The following EXOC5 variants were observed in gnomAD, a reference collection of about 807,000 sequenced individuals.
EXOC5 encodes the protein exocyst complex component 5.
A neutral mutation model predicts 90.8 loss-of-function variants in EXOC5; 17 were observed. That is an observed-to-expected ratio of 0.19 (90% CI 0.13 to 0.28). The LOEUF is 0.28. EXOC5 is among the 10% of genes least tolerant of loss of function. EXOC5 has a pLI of 1.00. For synonymous variants in EXOC5, 260 were observed against 270.0 expected (o/e 0.96, Z 0.36); for missense variants, 569 against 830.6 (o/e 0.69, Z 3.87).
At chr14:57,223,765 A>G (rs943183987) in intron 12 of EXOC5, among the ~76,000 whole-genome samples, 15 of 152,120 alleles carry the variant, frequency 9.9e-5, no homozygotes, top group African/African-American at 3.6e-4. Context: ...CAGGATATAT[A>G]TTTTTTTCAA....
chr14:57,229,724 T>C lies in EXOC5; in HGVS notation c.1296+10A>G. The C allele has an allele frequency of 2.7e-6, 4 of 1,458,474 alleles. No homozygotes were observed. The highest frequency in any genetic ancestry group is 3.7e-6 in the Non-Finnish European group (4 of 1,087,180). 90.3% of individuals were successfully genotyped at this position (1,458,474 alleles called of 1,614,324 possible). A position where few individuals can be genotyped will look rare whatever the true frequency, so the allele number is the denominator to read the frequency against. ...CTGTATATGTAAAATACATTTACAA[T>C]CACTCTTACCCTATGACATCTTTCA... On this transcript the variant is annotated intron_variant, in intron 12 of 17. Transcript: ENST00000621441.
chr14:57,246,154 C>G lies in EXOC5; in HGVS notation c.270+557G>C, dbSNP rs1288980159. ...ACCTAAGAGTGACTAAGAAGTTTGG[C>G]CTGCTGAGCCCCAGGACCAATCTAG... On this transcript the variant is annotated intron_variant, in intron 3 of 17. Transcript: ENST00000621441. 1.3e-5 allele frequency among the ~76,000 whole-genome samples: 2 copies of G among 152,196 alleles called. 1 individual carries two copies. The highest frequency in any genetic ancestry group is 4.2e-4 in the South Asian group (2 of 4,816).
intron 1 of EXOC5, among the ~76,000 whole-genome samples, chr14:57,258,571 C>G (rs1340153812): frequency 6.6e-6 from 1 of 152,046 alleles, no homozygotes; most frequent in African/African-American, 2.4e-5. Flanking sequence ...AGGGGAGGGA[C>G]AGCATTAGGA....
In EXOC5 at chr14:57,203,505, A is replaced by G. The variant is rs1043719476; in HGVS notation, c.*5104T>C. 1 of 152,608 alleles carries G rather than the reference A, an allele frequency of 6.6e-6. No individual in the cohort carries two copies. The highest frequency in any genetic ancestry group is 1.5e-5 in the Non-Finnish European group (1 of 68,026). 9.5% of individuals were successfully genotyped at this position (152,608 alleles called of 1,614,324 possible). A position where few individuals can be genotyped will look rare whatever the true frequency, so the allele number is the denominator to read the frequency against. ...CTGGAAGGGATACGACACTTTCTTC[A>G]TTTAAGATTCCCAGTGGTGAAAACA... On this transcript the variant is annotated 3_prime_UTR_variant, in exon 18 of 18. Transcript: ENST00000621441.
At chr14:57,218,891 T>G (rs1319999914) in intron 14 of EXOC5, among the ~76,000 whole-genome samples, 1 of 152,082 alleles carries the variant, frequency 6.6e-6, no homozygotes, top group African/African-American at 2.4e-5. Context: ...AAACCAAACC[T>G]TACTCTAATG....
chr14:57,224,276 A>G (rs555891739), intron 12 of EXOC5, among the ~76,000 whole-genome samples: 7 of 152,276 alleles, frequency 4.6e-5, no homozygotes, highest in Non-Finnish European at 1.0e-4. Flanking sequence ...GGAAAAATTA[A>G]TGAAACCAAA....
chr14:57,218,891 T>C (rs1319999914), intron 14 of EXOC5, among the ~76,000 whole-genome samples: 1 of 152,082 alleles, frequency 6.6e-6, no homozygotes, highest in East Asian at 1.9e-4. Flanking sequence ...AAACCAAACC[T>C]TACTCTAATG....
At position 57,266,757 on chromosome 14, in the gene EXOC5, C is replaced by T. The variant is rs1392752625; in HGVS notation, c.27+1865G>A. The stretch of plus-strand genomic sequence containing the variant: ...TGTGTATATATATATATATATAAAA[C>T]GTATATATATACTACTTAACCTAAT... On this transcript the variant is annotated intron_variant, in intron 1 of 17. Transcript: ENST00000621441. 2.0e-5 allele frequency among the ~76,000 whole-genome samples: 3 copies of T among 147,102 alleles called. No homozygotes were observed. The East Asian group carries it at 6.0e-4, about 29-fold the overall frequency.
At chr14:57,220,926 A>C (rs574478217) in intron 13 of EXOC5, among the ~76,000 whole-genome samples, 1 of 152,246 alleles carries the variant, frequency 6.6e-6, no homozygotes, top group African/African-American at 2.4e-5. Flanking sequence ...TATCTTCTCC[A>C]TAAGAATATA....
intron 7 of EXOC5, among the ~76,000 whole-genome samples, chr14:57,235,110 A>G (rs925419392): frequency 2.0e-5 from 3 of 152,170 alleles, no homozygotes; most frequent in African/African-American, 4.8e-5. Flanking sequence ...AGATTTTACC[A>G]AAATGAAAAG....
At chr14:57,220,228 A>G (rs1883089468) in intron 13 of EXOC5, among the ~76,000 whole-genome samples, 1 of 151,942 alleles carries the variant, frequency 6.6e-6, no homozygotes, top group Admixed American at 6.6e-5. Context: ...CGCAAGTAAA[A>G]GACAAGATTA....
intron 7 of EXOC5, among the ~76,000 whole-genome samples, chr14:57,235,292 C>T (rs997921063): frequency 1.1e-4 from 16 of 152,038 alleles, no homozygotes; most frequent in Admixed American, 1.0e-3. Flanking sequence ...TTTTGTATTA[C>T]CTCCTGAGGT....
At chr14:57,259,449 A>C (rs1195274671) in intron 1 of EXOC5, among the ~76,000 whole-genome samples, 1 of 152,002 alleles carries the variant, frequency 6.6e-6, no homozygotes, top group Non-Finnish European at 1.5e-5. Context: ...TGTACCACCT[A>C]CCCAAATTTC....
chr14:57,216,452 A>T (rs1348965985), intron 15 of EXOC5, among the ~76,000 whole-genome samples: 2 of 152,118 alleles, frequency 1.3e-5, no homozygotes, highest in African/African-American at 2.4e-5. Flanking sequence ...ACACAGCCCA[A>T]TGGAACAGGA....
intron 1 of EXOC5, among the ~76,000 whole-genome samples, chr14:57,259,155 T>G (rs1488699542): frequency 6.6e-6 from 1 of 151,990 alleles, no homozygotes; most frequent in African/African-American, 2.4e-5. Flanking sequence ...TGTCACCCAG[T>G]CTGCAATGCA....
intron 15 of EXOC5, among the ~76,000 whole-genome samples, chr14:57,213,708 C>T (rs1158622367): frequency 6.6e-6 from 1 of 152,100 alleles, no homozygotes; most frequent in Non-Finnish European, 1.5e-5. Flanking sequence ...GTAGTTCACG[C>T]CTGTAATCCC....
intron 3 of EXOC5, among the ~76,000 whole-genome samples, chr14:57,245,104 GA>G (rs1325073761): frequency 7.9e-5 from 12 of 151,894 alleles, no homozygotes; most frequent in African/African-American, 2.7e-4. Context: ...TTTGAAAACA[GA>G]AAAGTAGCAA....
intron 13 of EXOC5, among the ~76,000 whole-genome samples, chr14:57,221,155 A>C (rs1050781105): frequency 4.6e-5 from 7 of 152,230 alleles, no homozygotes; most frequent in African/African-American, 1.4e-4. Context: ...ATAACATCTT[A>C]GTTGAGATCA....
chr14:57,211,918 A>G (rs908873917), intron 15 of EXOC5, among the ~76,000 whole-genome samples: 6 of 150,682 alleles, frequency 4.0e-5, no homozygotes, highest in Non-Finnish European at 8.9e-5. Context: ...GCTGGAATGC[A>G]GTGTGATGAT....
Sources: allele counts gnomAD v4.1 joint callset (sites outside exome capture counted in the v4.1 genomes callset), GRCh38; gene constraint gnomAD v4.1.1; transcripts MANE v1.5; gene names NCBI Gene and HGNC (gene_info 2026-07-23, HGNC 2026-07-21).